POLA1: variants seen among roughly 807,000 people sequenced by gnomAD.
The protein encoded by POLA1 is DNA polymerase alpha 1, catalytic subunit.
POLA1 carries 15 observed loss-of-function variants against 124.0 expected under a neutral mutation model. The observed-to-expected ratio is 0.12, with a 90% CI of 0.08 to 0.19. POLA1 has a LOEUF of 0.19. POLA1 is among the 10% of genes least tolerant of loss of function. POLA1 has a pLI of 1.00. For synonymous variants in POLA1, 408 were observed against 389.4 expected (o/e 1.05, Z -0.56); for missense variants, 886 against 1,103.4 (o/e 0.80, Z 2.79).
chrX:24,971,295 C>G (rs961326750), intron 36 of POLA1, among the ~76,000 whole-genome samples: 6 of 112,028 alleles, frequency 5.4e-5, no homozygotes, highest in African/African-American at 1.9e-4. Context: ...GCCGGGATGC[C>G]CCTTACACCT....
At chrX:24,976,931 A>G (rs1350857677) in intron 36 of POLA1, among the ~76,000 whole-genome samples, 1 of 112,326 alleles carries the variant, frequency 8.9e-6, no homozygotes, top group East Asian at 2.8e-4. Flanking sequence ...TTAGAGCATG[A>G]TTCCGGCAGA....
intron 1 of POLA1, among the ~76,000 whole-genome samples, chrX:24,695,524 A>G (rs1336775952): frequency 1.8e-5 from 2 of 111,311 alleles, no homozygotes; most frequent in African/African-American, 3.3e-5. Flanking sequence ...CTTGTTGCCC[A>G]GACTGGAGTG....
chrX:24,788,832 C>T (rs2045427797), intron 26 of POLA1: 6 of 1,192,692 alleles, frequency 5.0e-6, no homozygotes, highest in Non-Finnish European at 6.8e-6. Context: ...TCGGCAGGAC[C>T]ATACTTGCCC....
chrX:24,809,159 G>GC (rs201083232), intron 26 of POLA1, among the ~76,000 whole-genome samples: 1,611 of 109,357 alleles, frequency 0.015, 26 homozygotes, highest in African/African-American at 0.044. Flanking sequence ...TATTTTAAAC[G>GC]CCCCCCCCGA....
intron 31 of POLA1, among the ~76,000 whole-genome samples, chrX:24,823,397 A>G (rs1170729295): frequency 1.9e-5 from 2 of 107,629 alleles, no homozygotes; most frequent in African/African-American, 6.8e-5. Context: ...AAAATGTATC[A>G]TGACACTTTT....
chrX:24,705,377 G>T (rs1928730650), intron 4 of POLA1, among the ~76,000 whole-genome samples: 1 of 111,744 alleles, frequency 8.9e-6, no homozygotes, highest in Non-Finnish European at 1.9e-5. Context: ...CCTAACATCT[G>T]TGCTGTCTTG....
intron 35 of POLA1, among the ~76,000 whole-genome samples, chrX:24,903,023 A>C (rs1436690447): frequency 8.9e-6 from 1 of 112,588 alleles, no homozygotes; most frequent in Non-Finnish European, 1.9e-5. Context: ...GGAAAGTTGC[A>C]ACAAACACCA....
rs771038280 is a variant in POLA1 at position 24,908,687 on chromosome X, A to G, written c.4164+20565A>G. Among the ~76,000 whole-genome samples, 162 of 111,270 alleles carry G rather than the reference A, an allele frequency of 1.5e-3. 1 individual carries two copies. Among genetic ancestry groups the G allele is most frequent in the Middle Eastern group, 9.2e-3 (2 of 218 alleles). ...CTTTGCTATTGTGAATAGTGCCACAATAAACACACGTGTGCATGTGTCTTT... is the reference window on the plus strand; with the variant it reads ...CTTTGCTATTGTGAATAGTGCCACAGTAAACACACGTGTGCATGTGTCTTT... On this transcript the variant is annotated intron_variant, in intron 35 of 36. Transcript: ENST00000379068.
chrX:24,838,724 G>A (rs1223457417), intron 32 of POLA1, among the ~76,000 whole-genome samples: 1 of 112,261 alleles, frequency 8.9e-6, no homozygotes, highest in Non-Finnish European at 1.9e-5. Flanking sequence ...TGTCATTTTT[G>A]ACAGAAGTGT....
intron 36 of POLA1, among the ~76,000 whole-genome samples, chrX:24,964,819 AT>A (rs936169844): frequency 3.6e-5 from 4 of 111,903 alleles, no homozygotes; most frequent in Admixed American, 9.5e-5. Flanking sequence ...CTTTTTATGC[AT>A]TTTGTCTCAA....
chrX:24,751,395 CAA>C (rs1932313812), intron 26 of POLA1, among the ~76,000 whole-genome samples: 2 of 111,835 alleles, frequency 1.8e-5, no homozygotes, highest in South Asian at 7.4e-4. Context: ...ATAACAATAA[CAA>C]ATCTTTAATA....
intron 26 of POLA1, among the ~76,000 whole-genome samples, chrX:24,795,151 C>T (rs1468508176): frequency 1.8e-5 from 2 of 110,851 alleles, no homozygotes; most frequent in East Asian, 2.8e-4. Context: ...CGCATTCCAA[C>T]GTTTTAATGC....
chrX:24,700,979 G>T (rs1041566995), intron 2 of POLA1, among the ~76,000 whole-genome samples: 7 of 111,411 alleles, frequency 6.3e-5, no homozygotes, highest in African/African-American at 2.3e-4. Context: ...GAGTCGAAAT[G>T]ACTTTTTACT....
chrX:24,916,288 T>TTTTTTTC (rs1491339062), intron 35 of POLA1, among the ~76,000 whole-genome samples: 1 of 84,842 alleles, frequency 1.2e-5, no homozygotes, highest in African/African-American at 6.2e-5. Flanking sequence ...TTCTTTTTTC[T>TTTTTTTC]TTTTTTTTTT....
chrX:24,890,551 A>G (rs1251083790), intron 35 of POLA1, among the ~76,000 whole-genome samples: 2 of 112,352 alleles, frequency 1.8e-5, no homozygotes, highest in Non-Finnish European at 3.8e-5. Flanking sequence ...ATACATACAT[A>G]CATTGCATAA....
At chrX:24,837,257 C>G (rs1274663529) in intron 32 of POLA1, among the ~76,000 whole-genome samples, 1 of 111,990 alleles carries the variant, frequency 8.9e-6, no homozygotes, top group Non-Finnish European at 1.9e-5. Context: ...CCAGTCAGCA[C>G]CTCTGTTATA....
At chrX:24,731,340 C>T (rs760746054) in intron 15 of POLA1, among the ~76,000 whole-genome samples, 4 of 111,696 alleles carry the variant, frequency 3.6e-5, no homozygotes, top group African/African-American at 1.3e-4. Context: ...TAGGGTTGTA[C>T]CTGTAGTTTT....
At chrX:24,791,636 G>A (rs1367797807) in intron 26 of POLA1, among the ~76,000 whole-genome samples, 3 of 112,122 alleles carry the variant, frequency 2.7e-5, no homozygotes, top group East Asian at 2.8e-4. Flanking sequence ...CACCTGCCTC[G>A]GCCTCCCAAA....
chrX:24,968,738 G>A (rs1364494323), intron 36 of POLA1, among the ~76,000 whole-genome samples: 1 of 108,682 alleles, frequency 9.2e-6, no homozygotes, highest in Non-Finnish European at 1.9e-5. Flanking sequence ...CATTGTATTG[G>A]TAAGCTGTTT....
Sources: gnomAD v4.1 joint callset for allele counts (sites outside exome capture counted in the v4.1 genomes callset) on GRCh38, gnomAD v4.1.1 for gene constraint, MANE v1.5 for transcripts, NCBI Gene and HGNC (gene_info 2026-07-23, HGNC 2026-07-21) for gene names.